The following EYA2 variants were observed in gnomAD, a reference collection of about 807,000 sequenced individuals.
EYA2 encodes protein phosphatase EYA2.
In EYA2, 31 loss-of-function variants were observed where a neutral mutation model predicts 69.2. That is an observed-to-expected ratio of 0.45 (90% CI 0.34 to 0.60). The LOEUF (loss-of-function observed/expected upper bound fraction) is 0.60, where lower values mean the gene tolerates loss of function less well. EYA2 is among the 20% of genes least tolerant of loss of function. EYA2 has a pLI of 0.02. For missense variants in EYA2, 622 were observed against 701.2 expected (o/e 0.89, Z 1.28); for synonymous variants, 257 against 279.4 (o/e 0.92, Z 0.80).
At chr20:46,958,179 A>G (rs892034122) in intron 1 of EYA2, among the ~76,000 whole-genome samples, 3 of 152,136 alleles carry the variant, frequency 2.0e-5, no homozygotes, top group African/African-American at 7.2e-5. Context: ...AGTCTGGTAA[A>G]TGGGTTCAGC....
intron 2 of EYA2, among the ~76,000 whole-genome samples, chr20:46,991,290 A>G (rs1380307600): frequency 6.6e-6 from 1 of 152,202 alleles, no homozygotes; most frequent in Non-Finnish European, 1.5e-5. Flanking sequence ...TCAGGGGGGA[A>G]TCCCAGCCCA....
intron 15 of EYA2, among the ~76,000 whole-genome samples, chr20:47,184,838 C>T (rs1445019810): frequency 1.3e-5 from 2 of 152,144 alleles, no homozygotes; most frequent in African/African-American, 2.4e-5. Flanking sequence ...AGGGAGGAGA[C>T]GGACTTACGA....
chr20:46,898,906 T>G (rs868095811), intron 1 of EYA2, among the ~76,000 whole-genome samples: 2 of 152,242 alleles, frequency 1.3e-5, no homozygotes, highest in Non-Finnish European at 2.9e-5. Flanking sequence ...TTTTTGTTCA[T>G]TTTCATCCTA....
At chr20:46,956,446 G>T (rs1203959255) in intron 1 of EYA2, among the ~76,000 whole-genome samples, 2 of 152,188 alleles carry the variant, frequency 1.3e-5, no homozygotes, top group Non-Finnish European at 2.9e-5. Context: ...TGGTAGATGG[G>T]TGTCCTCCAT....
intron 1 of EYA2, among the ~76,000 whole-genome samples, chr20:46,906,189 T>A (rs995830524): frequency 6.6e-6 from 1 of 152,246 alleles, no homozygotes; most frequent in Non-Finnish European, 1.5e-5. Flanking sequence ...ACCAAGTCCA[T>A]CAAGTAATTG....
intron 1 of EYA2, among the ~76,000 whole-genome samples, chr20:46,971,880 CTGTT>C (rs1477990680): frequency 6.6e-6 from 1 of 152,152 alleles, no homozygotes; most frequent in African/African-American, 2.4e-5. Context: ...CATTGCCTGA[CTGTT>C]TAGTGCTGAT....
intron 10 of EYA2, among the ~76,000 whole-genome samples, chr20:47,164,011 C>A (rs1263356453): frequency 6.6e-6 from 1 of 152,118 alleles, no homozygotes; most frequent in Non-Finnish European, 1.5e-5. Context: ...CATTCAGCAC[C>A]CACCCCAAGA....
chr20:47,047,886 G>A (rs139867551), intron 5 of EYA2, among the ~76,000 whole-genome samples: 7 of 151,018 alleles, frequency 4.6e-5, no homozygotes, highest in African/African-American at 7.3e-5. Flanking sequence ...CCTGCTGCCC[G>A]CATTCCTTGG....
rs551959961 is a variant in EYA2 at position 46,986,460 on chromosome 20, A to G, written c.-10-3541A>G. The stretch of plus-strand genomic sequence containing the variant: ...ATATATCTAATGTGTATATATATAC[A>G]TTAGATATATAGAGATATATATATC... On this transcript the variant is annotated intron_variant, in intron 1 of 15. Coordinates refer to ENST00000327619, the MANE Select transcript of EYA2 (RefSeq NM_005244.5). 4.7e-5 allele frequency among the ~76,000 whole-genome samples: 7 copies of G among 148,250 alleles called. No homozygotes were observed. The East Asian group carries it at 7.8e-4, about 17-fold the overall frequency.
chr20:47,146,601 C>T (rs79873984), intron 10 of EYA2, among the ~76,000 whole-genome samples: 1,696 of 152,346 alleles, frequency 0.011, 28 homozygotes, highest in African/African-American at 0.037. Flanking sequence ...AAGTTAAAAT[C>T]CACACAAGTG....
At chr20:47,152,086 C>T (rs2033833870) in intron 10 of EYA2, among the ~76,000 whole-genome samples, 2 of 152,060 alleles carry the variant, frequency 1.3e-5, no homozygotes, top group South Asian at 2.1e-4. Flanking sequence ...CCAGGGACCT[C>T]TTCTCGACGA....
chr20:47,169,534 C>T (rs2034276950), intron 11 of EYA2, among the ~76,000 whole-genome samples: 1 of 152,170 alleles, frequency 6.6e-6, no homozygotes, highest in African/African-American at 2.4e-5. Flanking sequence ...AACCTCACCC[C>T]TCAACCCTAC....
At position 46,915,860 on chromosome 20, in the gene EYA2, G is replaced by A. The variant is rs867696791; in HGVS notation, c.-11+20873G>A. ...CCCCGCCCCTCCCTCTAGTACCCCC[G>A]GACCTGGGGGCTCAATGTCACTTGT... On this transcript the variant is annotated intron_variant, in intron 1 of 15. Transcript: ENST00000327619. Among the ~76,000 whole-genome samples the A allele has an allele frequency of 5.9e-5, 9 of 151,986 alleles. No individual in the cohort carries two copies. The South Asian group carries it at 1.7e-3, about 28-fold the overall frequency.
At chr20:47,078,467 TGACA>T (rs2031607028) in intron 7 of EYA2, among the ~76,000 whole-genome samples, 1 of 152,220 alleles carries the variant, frequency 6.6e-6, no homozygotes, top group Admixed American at 6.5e-5. Flanking sequence ...AGAGGTTTAC[TGACA>T]GACAGATCAC....
chr20:47,130,087 G>C (rs1284984457), intron 9 of EYA2, among the ~76,000 whole-genome samples: 1 of 150,250 alleles, frequency 6.7e-6, no homozygotes, highest in Non-Finnish European at 1.5e-5. Context: ...TGCCTTAGCT[G>C]CCAGTTTTTC....
intron 1 of EYA2, among the ~76,000 whole-genome samples, chr20:46,940,850 A>G (rs1986125230): frequency 6.6e-6 from 1 of 152,208 alleles, no homozygotes; most frequent in African/African-American, 2.4e-5. Flanking sequence ...TCAGAGGGGA[A>G]CAGTGCTTGC....
chr20:47,144,514 A>G (rs1216040371), intron 10 of EYA2, among the ~76,000 whole-genome samples: 1 of 152,236 alleles, frequency 6.6e-6, no homozygotes, highest in Non-Finnish European at 1.5e-5. Flanking sequence ...TTTCAAATCC[A>G]TCCTGGCTAG....
chr20:47,160,750 AG>A (rs1335774773), intron 10 of EYA2: 1 of 152,616 alleles, frequency 6.6e-6, no homozygotes, highest in Non-Finnish European at 1.4e-5. Flanking sequence ...AGGCACTGTG[AG>A]GGCAAGAGCC....
At chr20:46,898,253 G>GTT (rs3085767) in intron 1 of EYA2, among the ~76,000 whole-genome samples, 18,303 of 136,514 alleles carry the variant, frequency 0.13, 1,356 homozygotes, top group Non-Finnish European at 0.17. Flanking sequence ...TTTTGTGTTG[G>GTT]TTTTTTTTTT....
Sources: gnomAD v4.1 joint callset for allele counts (sites outside exome capture counted in the v4.1 genomes callset) on GRCh38, gnomAD v4.1.1 for gene constraint, MANE v1.5 for transcripts, NCBI Gene and HGNC (gene_info 2026-07-23, HGNC 2026-07-21) for gene names.